The following TUBGCP3 variants were observed in gnomAD, a reference collection of about 807,000 sequenced individuals.
TUBGCP3 encodes the protein tubulin gamma complex component 3.
A neutral mutation model predicts 123.1 loss-of-function variants in TUBGCP3; 50 were observed. The ratio of observed to expected loss-of-function variants is 0.41; its 90% CI spans 0.32 to 0.51. The LOEUF (loss-of-function observed/expected upper bound fraction) is 0.51, where lower values mean the gene tolerates loss of function less well. Ranked by LOEUF, TUBGCP3 falls within the 20% of genes least tolerant of loss-of-function variation. The pLI is 0.36. For missense variants in TUBGCP3, 882 were observed against 1,127.0 expected, an observed-to-expected ratio of 0.78 and a Z score of 3.11; for synonymous variants, 405 against 413.9, an observed-to-expected ratio of 0.98 and a Z score of 0.26.
chr13:112,527,042 C>A lies in TUBGCP3; in HGVS notation c.1455G>T (p.Leu485Phe). The part of the protein sequence containing the change: ...MTMDQSRKVL[L>F]IGKSINFLHQ... ...GCAAGAAATTTATTGATTTTCCTAT[C>A]AAAAGGACCTAAAAAGAAAAACATT... The change falls in exon 13 of 22, where the codon TTG becomes TTT. Residue 485 changes from leucine to phenylalanine, a missense_variant. Coordinates refer to ENST00000261965, the MANE Select transcript of TUBGCP3 (RefSeq NM_006322.6). 2 of 1,610,000 alleles carry A rather than the reference C, an allele frequency of 1.2e-6. No individual in the cohort carries two copies. Among genetic ancestry groups the A allele is most frequent in the Non-Finnish European group, 1.7e-6 (2 of 1,177,246 alleles).
At chr13:112,509,471 C>T (rs992313652) in intron 17 of TUBGCP3, among the ~76,000 whole-genome samples, 1 of 152,228 alleles carries the variant, frequency 6.6e-6, no homozygotes, top group African/African-American at 2.4e-5. Flanking sequence ...CTCAAACTCA[C>T]ACCTTTCAAA....
chr13:112,579,308 C>A (rs1270103543), intron 1 of TUBGCP3, among the ~76,000 whole-genome samples: 4 of 152,184 alleles, frequency 2.6e-5, no homozygotes, highest in African/African-American at 9.7e-5. Flanking sequence ...CCCTGGAGCT[C>A]TCCCACACTG....
intron 1 of TUBGCP3, among the ~76,000 whole-genome samples, 187 bp downstream of exon 1, chr13:112,587,718 G>A (rs1297937225): frequency 6.9e-6 from 1 of 144,286 alleles, no homozygotes; most frequent in Non-Finnish European, 1.5e-5. Flanking sequence ...TGTCCTCCCC[G>A]GCTCCCTGAC....
In TUBGCP3 at chr13:112,527,432, T is replaced by A; in HGVS notation, c.1388A>T (p.Lys463Met). The A allele has an allele frequency of 6.2e-7, 1 of 1,609,324 alleles. No individual in the cohort carries two copies. Among genetic ancestry groups the A allele is most frequent in the Non-Finnish European group, 8.5e-7 (1 of 1,178,804 alleles). The change falls in exon 12 of 22, where the codon AAG (lysine) becomes ATG (methionine). Residue 463 changes from lysine to methionine, a missense_variant. Around this residue, in one of 3 missense-constraint regions of TUBGCP3, gnomAD observed 713 missense variants for 874.0 expected, o/e 0.82. Coordinates refer to ENST00000261965, the MANE Select transcript of TUBGCP3 (RefSeq NM_006322.6). ...TVKTDRLWHD[K>M]YTLRKSMIPS... ...AATCATCGATTTCCTCAAAGTATAC[T>A]TGTCGTGCCACAGTCGATCTGTTTT...
Position 112,556,139 on chromosome 13 carries a change from G to C in TUBGCP3, c.634C>G (p.Pro212Ala). The change falls in exon 6 of 22, where the codon CCT becomes GCT. Residue 212 changes from proline (P) to alanine (A), a missense_variant. Pro to Ala is a conservative substitution (Grantham distance 27, BLOSUM62 -1). Coordinates refer to ENST00000261965, the MANE Select transcript of TUBGCP3 (RefSeq NM_006322.6). ...RLAWTLTANQ[P>A]SSQATTSKGV... ...TTTGAGGTAGTGGCTTGTGAAGAAG[G>C]CTGATTTGCAGTTAAAGTCCATGCG... 6.2e-7 allele frequency: 1 copy of C among 1,614,068 alleles called. No homozygotes were observed. The highest frequency in any genetic ancestry group is 8.5e-7 in the Non-Finnish European group (1 of 1,179,996).
intron 20 of TUBGCP3, among the ~76,000 whole-genome samples, chr13:112,495,522 T>C (rs1377713702): frequency 1.3e-5 from 2 of 152,236 alleles, no homozygotes; most frequent in East Asian, 1.9e-4. Flanking sequence ...TCATATAATT[T>C]TTCCCCTTCA....
chr13:112,554,811 T>C (rs1594191890), intron 7 of TUBGCP3, 76 bp downstream of exon 7: 1 of 1,045,532 alleles, frequency 9.6e-7, no homozygotes. Flanking sequence ...ACCTTATCAA[T>C]CAACAGCCAC....
At chr13:112,518,379 T>C (rs1876333439) in intron 16 of TUBGCP3, among the ~76,000 whole-genome samples, 1 of 152,202 alleles carries the variant, frequency 6.6e-6, no homozygotes, top group African/African-American at 2.4e-5. Context: ...GATATAAAAA[T>C]GACTGAAGTA....
chr13:112,577,107 GATA>G (rs1881884219), intron 1 of TUBGCP3, among the ~76,000 whole-genome samples: 1 of 151,948 alleles, frequency 6.6e-6, no homozygotes, highest in African/African-American at 2.4e-5. Context: ...AAATTTAAAA[GATA>G]ATAAGGGCTA....
At chr13:112,572,642 C>G (rs9604362) in intron 1 of TUBGCP3, among the ~76,000 whole-genome samples, 14,743 of 152,160 alleles carry the variant, frequency 0.097, 1,866 homozygotes, top group African/African-American at 0.28. Context: ...GAGGGTGAGA[C>G]AGGGAACAGC....
intron 17 of TUBGCP3, among the ~76,000 whole-genome samples, chr13:112,514,655 G>A (rs1471394430): frequency 5.3e-5 from 8 of 152,148 alleles, no homozygotes; most frequent in African/African-American, 1.9e-4. Flanking sequence ...TACAATCTGG[G>A]CTTACTGAGA....
At chr13:112,559,476 T>A in intron 3 of TUBGCP3, 77 bp from the exon 4 acceptor site, 1 of 1,184,580 alleles carries the variant, frequency 8.4e-7, no homozygotes, top group Non-Finnish European at 1.2e-6. Flanking sequence ...TCCTGAACTA[T>A]ATTTCCAAAC....
intron 17 of TUBGCP3, among the ~76,000 whole-genome samples, chr13:112,509,731 A>G (rs1881544842): frequency 6.6e-6 from 1 of 152,192 alleles, no homozygotes; most frequent in Non-Finnish European, 1.5e-5. Flanking sequence ...AACCATCCAC[A>G]TGACAGAAGT....
chr13:112,542,862 G>A (rs186132970), intron 11 of TUBGCP3, among the ~76,000 whole-genome samples: 1 of 152,278 alleles, frequency 6.6e-6, no homozygotes, highest in Admixed American at 6.5e-5. Flanking sequence ...GCTTAAGAGT[G>A]TAGGGCCAGG....
intron 3 of TUBGCP3, 26 bp downstream of exon 3, chr13:112,565,085 A>G (rs1028725249): frequency 2.5e-6 from 4 of 1,605,194 alleles, no homozygotes; most frequent in Non-Finnish European, 1.7e-6. Context: ...AATGAGTGCA[A>G]TGACCTCCAG....
chr13:112,539,054 TACAA>T (rs1878289897), intron 11 of TUBGCP3, among the ~76,000 whole-genome samples: 1 of 152,200 alleles, frequency 6.6e-6, no homozygotes, highest in African/African-American at 2.4e-5. Flanking sequence ...GTCCGAGAAC[TACAA>T]ACAAATCAGA....
intron 7 of TUBGCP3, among the ~76,000 whole-genome samples, chr13:112,554,429 A>T (rs1471826231): frequency 2.6e-5 from 4 of 152,182 alleles, no homozygotes; most frequent in Non-Finnish European, 5.9e-5. Context: ...TGTGGCAGAG[A>T]AGGTCTGTGA....
At position 112,519,696 on chromosome 13, in the gene TUBGCP3, G is replaced by A. The variant is rs1214355739; in HGVS notation, c.1881+190C>T. 2.0e-5 allele frequency among the ~76,000 whole-genome samples: 3 copies of A among 152,234 alleles called. No individual in the cohort carries two copies. The East Asian group carries it at 5.8e-4, about 29-fold the overall frequency. On this transcript the variant is annotated intron_variant, in intron 15 of 21. Transcript: ENST00000261965. The surrounding 1 kb of genome is among the most constrained non-coding windows in gnomAD (Gnocchi z 6.2). ...ATGGGCAAACGGAAACCCAGATGGT[G>A]GAGAGGGAGCAGATGTGCTGACCAG...
intron 14 of TUBGCP3, 42 bp downstream of exon 14, chr13:112,522,278 C>A: frequency 7.2e-7 from 1 of 1,395,060 alleles, no homozygotes; most frequent in South Asian, 1.8e-5. Context: ...CTTATCATGT[C>A]AAATATATTA....
Sources: allele counts gnomAD v4.1 joint callset (sites outside exome capture counted in the v4.1 genomes callset), GRCh38; gene constraint gnomAD v4.1.1; regional missense constraint gnomAD v4.1.1; non-coding constraint Gnocchi (gnomAD v3.1); transcripts MANE v1.5; gene names NCBI Gene and HGNC (gene_info 2026-07-23, HGNC 2026-07-21).